Variants in SPATA21 observed in about 807,000 individuals in gnomAD.
SPATA21 encodes the protein spermatogenesis-associated protein 21.
A neutral mutation model predicts 54.8 loss-of-function variants in SPATA21; 47 were observed. That is an observed-to-expected ratio of 0.86 (90% CI 0.68 to 1.09). The LOEUF is 1.09. Ranked by LOEUF, SPATA21 falls within the 50% of genes least tolerant of loss-of-function variation. SPATA21 has a pLI of 0.00. For missense variants in SPATA21, 599 were observed against 596.4 expected, an observed-to-expected ratio of 1.00 and a Z score of -0.05; for synonymous variants, 245 against 235.3, an observed-to-expected ratio of 1.04 and a Z score of -0.38.
At chr1:16,424,246 G>C (rs1326656094) in intron 3 of SPATA21, among the ~76,000 whole-genome samples, 3 of 123,726 alleles carry the variant, frequency 2.4e-5, no homozygotes, top group African/African-American at 6.3e-5. Context: ...CTGGGAGGCA[G>C]AGCTTGCAGT....
intron 10 of SPATA21, 113 bp downstream of exon 10, chr1:16,403,614 G>T: frequency 1.0e-6 from 1 of 955,134 alleles, no homozygotes; most frequent in Non-Finnish European, 1.7e-6. Flanking sequence ...TCAGCCTCCA[G>T]TTTCTTTCAC....
chr1:16,436,550 G>A (rs768743847), intron 1 of SPATA21, among the ~76,000 whole-genome samples: 1 of 151,992 alleles, frequency 6.6e-6, no homozygotes, highest in African/African-American at 2.4e-5. Context: ...CAGATCACTC[G>A]AGGTCAGGAG....
At chr1:16,431,456 G>A (rs895661538) in intron 2 of SPATA21, 34 bp from the exon 3 acceptor site, 3 of 1,579,326 alleles carry the variant, frequency 1.9e-6, no homozygotes, top group African/African-American at 2.7e-5. Flanking sequence ...GTCCCACCAA[G>A]CCCATCACCT....
chr1:16,410,978 C>T, intron 5 of SPATA21: 1 of 194,742 alleles, frequency 5.1e-6, no homozygotes, highest in Non-Finnish European at 1.1e-5. Flanking sequence ...CCTGTACACC[C>T]ACTTCTCATT....
intron 3 of SPATA21, among the ~76,000 whole-genome samples, chr1:16,423,370 AC>A (rs1462818655): frequency 1.5e-5 from 2 of 134,640 alleles, no homozygotes; most frequent in Admixed American, 1.7e-4. Flanking sequence ...CCAAGATCAC[AC>A]CCCTGCACTC....
chr1:16,403,612 C>A, intron 10 of SPATA21, 115 bp downstream of exon 10: 1 of 925,280 alleles, frequency 1.1e-6, no homozygotes, highest in Admixed American at 1.8e-5. Flanking sequence ...CCTCAGCCTC[C>A]AGTTTCTTTC....
At chr1:16,412,710 G>T (rs543268031) in intron 5 of SPATA21, among the ~76,000 whole-genome samples, 143 of 152,278 alleles carry the variant, frequency 9.4e-4, no homozygotes, top group Non-Finnish European at 1.9e-3. Flanking sequence ...TGATCTGCCT[G>T]CCTCGGCCTC....
chr1:16,403,618 CT>C, intron 10 of SPATA21, 108 bp downstream of exon 10: 2 of 976,846 alleles, frequency 2.0e-6, no homozygotes, highest in Non-Finnish European at 1.6e-6. Context: ...CCTCCAGTTT[CT>C]TTCACTTGTG....
chr1:16,434,140 C>T (rs892242122), intron 1 of SPATA21, among the ~76,000 whole-genome samples: 9 of 152,256 alleles, frequency 5.9e-5, no homozygotes, highest in African/African-American at 1.2e-4. Context: ...TTTCACTTAA[C>T]GTCATGTTTT....
intron 1 of SPATA21, among the ~76,000 whole-genome samples, chr1:16,433,869 C>T (rs2086520471): frequency 6.6e-6 from 1 of 152,170 alleles, no homozygotes; most frequent in Non-Finnish European, 1.5e-5. Context: ...ACTCACATAC[C>T]ATACAGTTCA....
intron 1 of SPATA21, among the ~76,000 whole-genome samples, chr1:16,435,232 T>C (rs1390303162): frequency 2.0e-5 from 3 of 152,194 alleles, no homozygotes; most frequent in African/African-American, 4.8e-5. Context: ...TGATTTGCAT[T>C]TCCCCAATGG....
chr1:16,431,297 C>T (rs2086451325), intron 3 of SPATA21, 41 bp downstream of exon 3: 1 of 1,614,152 alleles, frequency 6.2e-7, no homozygotes, highest in Non-Finnish European at 8.5e-7. Context: ...TGGTGATCCT[C>T]AGGCCAGGAC....
At chr1:16,433,515 G>A (rs573668791) in intron 1 of SPATA21, among the ~76,000 whole-genome samples, 3 of 152,316 alleles carry the variant, frequency 2.0e-5, no homozygotes, top group East Asian at 3.9e-4. Context: ...AGGGGTGGAT[G>A]AACCACCTAG....
At chr1:16,398,591 G>T (rs1256379031), downstream of SPATA21, 1 of 686,354 alleles carries the variant, frequency 1.5e-6, no homozygotes, top group Non-Finnish European at 2.5e-6. Context: ...TGAGAGCCCA[G>T]TGGTGGCTGG....
At chr1:16,420,777 CAT>C (rs1428309573) in intron 5 of SPATA21, among the ~76,000 whole-genome samples, 6 of 152,032 alleles carry the variant, frequency 3.9e-5, no homozygotes, top group African/African-American at 1.2e-4. Context: ...GTCAGTGACA[CAT>C]GAGTGAGATG....
chr1:16,433,560 C>G (rs978231519), intron 1 of SPATA21, among the ~76,000 whole-genome samples: 5 of 152,234 alleles, frequency 3.3e-5, no homozygotes, highest in African/African-American at 9.6e-5. Flanking sequence ...AAACACACCC[C>G]CTATTGTCCA....
chr1:16,412,093 C>G (rs949832176), intron 5 of SPATA21, among the ~76,000 whole-genome samples: 44 of 152,190 alleles, frequency 2.9e-4, no homozygotes, highest in Non-Finnish European at 4.7e-4. Context: ...ACTGGCTGCT[C>G]TGCCCCTGCC....
Position 16,431,224 on chromosome 1 carries a change from A to G in SPATA21, c.34+114T>C, listed in dbSNP as rs1035542252. 6.3e-6 allele frequency: 10 copies of G among 1,598,256 alleles called. No individual in the cohort carries two copies. The Admixed American group carries it at 1.4e-4, about 23-fold the overall frequency. ...CAGCTAGGAGTGAATGGATCAGAACATGGGGTGCAGGTCCCTACCTTGCTG... is the reference window on the plus strand; with the variant it reads ...CAGCTAGGAGTGAATGGATCAGAACGTGGGGTGCAGGTCCCTACCTTGCTG... On this transcript the variant is annotated intron_variant, in intron 3 of 12. Coordinates refer to ENST00000335496, the MANE Select transcript of SPATA21 (RefSeq NM_198546.1).
intron 5 of SPATA21, among the ~76,000 whole-genome samples, chr1:16,417,888 T>C (rs755411404): frequency 1.3e-5 from 2 of 152,222 alleles, no homozygotes; most frequent in Admixed American, 6.5e-5. Context: ...GCGCCCTTTC[T>C]ACTCCCTGGC....
Sources: allele counts gnomAD v4.1 joint callset (sites outside exome capture counted in the v4.1 genomes callset), GRCh38; gene constraint gnomAD v4.1.1; transcripts MANE v1.5; gene names NCBI Gene and HGNC (gene_info 2026-07-23, HGNC 2026-07-21).